SKOR1: variants seen among roughly 807,000 people sequenced by gnomAD.
SKOR1 encodes the protein LBX1 corepressor 1.
A neutral mutation model predicts 72.4 loss-of-function variants in SKOR1; 38 were observed. That is an observed-to-expected ratio of 0.52 (90% CI 0.40 to 0.69). SKOR1 has a LOEUF of 0.69. SKOR1 is among the 30% of genes least tolerant of loss of function. The pLI is 0.00. For synonymous variants in SKOR1, 642 were observed against 599.4 expected (o/e 1.07, Z -1.04); for missense variants, 1,320 against 1,343.2 (o/e 0.98, Z 0.27).
intron 3 of SKOR1, 108 bp from the exon 4 acceptor site, chr15:67,830,083 G>T: frequency 8.9e-7 from 1 of 1,119,856 alleles, no homozygotes; most frequent in East Asian, 2.5e-5. Context: ...ACCAGAGGCG[G>T]CCACGACGCT....
chr15:67,825,859 G>A lies in SKOR1; in HGVS notation c.108-77G>A, dbSNP rs2090954385. 2.6e-6 allele frequency: 4 copies of A among 1,511,246 alleles called. No homozygotes were observed. The highest frequency in any genetic ancestry group is 4.5e-5 in the Admixed American group (2 of 44,826). The allele number at this position is 1,511,246 out of a possible 1,614,324, so 93.6% of individuals were successfully genotyped here. A position where few individuals can be genotyped will look rare whatever the true frequency, so the allele number is the denominator to read the frequency against. ...ATCCCCCGCGCGCCCAACTCGGAGC[G>A]CCCTGCTGGGCGGGCCCGAGCCTCG... is the stretch of plus-strand genomic sequence containing the variant. On this transcript the variant is annotated intron_variant, in intron 1 of 8. Transcript: ENST00000380035. This position sits in a 1 kb window ranked among gnomAD's most constrained non-coding sequence, Gnocchi z 5.6.
chr15:67,825,903 G>T lies in SKOR1; in HGVS notation c.108-33G>T. 1 of 1,510,252 alleles carries T rather than the reference G, an allele frequency of 6.6e-7. No individual in the cohort carries two copies. The highest frequency in any genetic ancestry group is 8.8e-7 in the Non-Finnish European group (1 of 1,135,164). The allele number at this position is 1,510,252 out of a possible 1,614,324, so 93.6% of individuals were successfully genotyped here. A position where few individuals can be genotyped will look rare whatever the true frequency, so the allele number is the denominator to read the frequency against. On this transcript the variant is annotated intron_variant, in intron 1 of 8. Coordinates refer to ENST00000380035, the MANE Select transcript of SKOR1 (RefSeq NM_001365915.1). The surrounding 1 kb of genome is among the most constrained non-coding windows in gnomAD (Gnocchi z 5.6). ...AGCCTCGGCGGCGGCGCTGAAAATGGCTCATCTGCTCTCTGCTTTCTCTAT... is the reference window on the plus strand; with the variant it reads ...AGCCTCGGCGGCGGCGCTGAAAATGTCTCATCTGCTCTCTGCTTTCTCTAT...
intron 5 of SKOR1, among the ~76,000 whole-genome samples, chr15:67,831,714 T>A (rs979728867): frequency 6.6e-6 from 1 of 152,106 alleles, no homozygotes; most frequent in Non-Finnish European, 1.5e-5. Flanking sequence ...TCTTCCTAGT[T>A]ACAGATTTAC....
chr15:67,829,368 C>G, intron 3 of SKOR1, 99 bp downstream of exon 3: 1 of 1,041,328 alleles, frequency 9.6e-7, no homozygotes, highest in South Asian at 1.6e-5. Flanking sequence ...GAGAGAGACG[C>G]AGAGAAAGAG....
At chr15:67,828,852 C>A (rs939896906) in intron 2 of SKOR1, among the ~76,000 whole-genome samples, 4 of 152,222 alleles carry the variant, frequency 2.6e-5, no homozygotes, top group African/African-American at 9.6e-5. Flanking sequence ...ATGCGAAAGG[C>A]GTCATTTATG....
At chr15:67,828,468 A>C (rs1195851412) in intron 2 of SKOR1, among the ~76,000 whole-genome samples, 1 of 152,196 alleles carries the variant, frequency 6.6e-6, no homozygotes, top group African/African-American at 2.4e-5. Flanking sequence ...GGAGAAAGAA[A>C]GAGGAGGTAA....
Position 67,829,205 on chromosome 15 carries a change from C to G in SKOR1, c.2343C>G (p.His781Gln). 6.3e-7 allele frequency: 1 copy of G among 1,574,842 alleles called. No individual in the cohort carries two copies. The highest frequency in any genetic ancestry group is 1.1e-5 in the South Asian group (1 of 87,386). Residue 781 changes from histidine to glutamine, a missense_variant, in exon 3 of 9, where the codon CAC becomes CAG. Coordinates refer to ENST00000380035, the MANE Select transcript of SKOR1 (RefSeq NM_001365915.1). ...TGTTCGCGCCCGAGAGGGATGAGCACGTGAAGAGCGCGGCGGTGGCGCTGG... is the reference window on the plus strand; with the variant it reads ...TGTTCGCGCCCGAGAGGGATGAGCAGGTGAAGAGCGCGGCGGTGGCGCTGG... Reference protein sequence around the residue: ...AKVFAPERDEHVKSAAVALGP... With the variant: ...AKVFAPERDEQVKSAAVALGP...
At position 67,828,110 on chromosome 15, in the gene SKOR1, C is replaced by T. The variant is rs1232097201; in HGVS notation, c.2282C>T (p.Pro761Leu). The change falls in exon 2 of 9, where the codon CCT (proline) becomes CTT (leucine). Residue 761 changes from proline (P) to leucine (L), a missense_variant. By Grantham distance (98) the Pro-to-Leu change is moderately conservative. Coordinates refer to ENST00000380035, the MANE Select transcript of SKOR1 (RefSeq NM_001365915.1). ...GGCGGCGGCTACGAGCTGCGAGAGCCTTGCGGGCCCCTAGGAGGCCCCGCG... is the reference window on the plus strand; with the variant it reads ...GGCGGCGGCTACGAGCTGCGAGAGCTTTGCGGGCCCCTAGGAGGCCCCGCG... ...SGGGGYELRE[P>L]CGPLGGPAPA... 2 of 1,516,314 alleles carry T rather than the reference C, an allele frequency of 1.3e-6. No homozygotes were observed. Among genetic ancestry groups the T allele is most frequent in the Non-Finnish European group, 1.8e-6 (2 of 1,138,572 alleles). The allele number at this position is 1,516,314 out of a possible 1,614,324, so 93.9% of individuals were successfully genotyped here.
rs1597015347 is a variant in SKOR1, at chr15:67,826,005, C to G, written c.177C>G (p.Ser59=). 1 of 1,543,922 alleles carries G rather than the reference C, an allele frequency of 6.5e-7. No homozygotes were observed. Among genetic ancestry groups the G allele is most frequent in the Admixed American group, 2.0e-5 (1 of 50,554 alleles). ...GCGAGGGCAGTTCCTCGCCCAACTC[C>G]AAGCAGGAGCTGCAGCCGTACTCGG... ...PGREGSSSPN[S]KQELQPYSGS... The change falls in exon 2 of 9, where the codon TCC becomes TCG. Residue 59 remains serine, a synonymous_variant. Transcript: ENST00000380035.
chr15:67,828,138 G>A lies in SKOR1; in HGVS notation c.2310G>A (p.Pro770=), dbSNP rs899298916. Residue 770 remains proline (P), a synonymous_variant, in exon 2 of 9, where the codon CCG becomes CCA. Coordinates refer to ENST00000380035, the MANE Select transcript of SKOR1 (RefSeq NM_001365915.1). ...GCGGGCCCCTAGGAGGCCCCGCGCC[G>A]GCCAAGGTGAGCCCCGCGCCCGCCC... is the stretch of plus-strand genomic sequence containing the variant. ...EPCGPLGGPA[P]AKVFAPERDE... 12 of 1,474,632 alleles carry A rather than the reference G, an allele frequency of 8.1e-6. No homozygotes were observed. Among genetic ancestry groups the A allele is most frequent in the Admixed American group, 2.5e-5 (1 of 40,372 alleles). 91.3% of individuals were successfully genotyped at this position (1,474,632 alleles called of 1,614,324 possible).
Position 67,827,278 on chromosome 15 carries a change from G to A in SKOR1, c.1450G>A (p.Val484Met). 1 of 1,582,112 alleles carries A rather than the reference G, an allele frequency of 6.3e-7. No individual in the cohort carries two copies. The highest frequency in any genetic ancestry group is 8.5e-7 in the Non-Finnish European group (1 of 1,172,336). Reference protein sequence around the residue: ...AVAAAAAAATVYPTFPMFWPA... With the variant: ...AVAAAAAAATMYPTFPMFWPA... ...GGCTGCAGCGGCCGCCGCCGCCACTGTGTACCCGACGTTTCCCATGTTCTG... is the reference window on the plus strand; with the variant it reads ...GGCTGCAGCGGCCGCCGCCGCCACTATGTACCCGACGTTTCCCATGTTCTG... The change falls in exon 2 of 9, where the codon GTG (valine) becomes ATG (methionine). Residue 484 changes from valine to methionine, a missense_variant. Val to Met is a conservative substitution (Grantham distance 21, BLOSUM62 1). This residue lies in a region of SKOR1 where 1,099 missense variants were observed against 1,025.5 expected (regional missense o/e 1.07). Transcript: ENST00000380035.
At position 67,827,805 on chromosome 15, in the gene SKOR1, C is replaced by G. The variant is rs1378184695; in HGVS notation, c.1977C>G (p.Pro659=). ...CCGACGTGGACACCGCGGACGAGCC[C>G]GAGGTGGACGTGGAATCCAACCGCT... ...ASPDVDTADE[P]EVDVESNRFP... The change falls in exon 2 of 9, where the codon CCC becomes CCG. Residue 659 remains proline (P), a synonymous_variant. Transcript: ENST00000380035. The G allele has an allele frequency of 6.3e-7, 1 of 1,578,788 alleles. No homozygotes were observed. Among genetic ancestry groups the G allele is most frequent in the Non-Finnish European group, 8.6e-7 (1 of 1,162,562 alleles).
rs1377354174 is a variant in SKOR1 at position 67,833,621 on chromosome 15, C to T, written c.2804-121C>T. On this transcript the variant is annotated intron_variant, in intron 8 of 8. Coordinates refer to ENST00000380035, the MANE Select transcript of SKOR1 (RefSeq NM_001365915.1). The surrounding 1 kb of genome is among the most constrained non-coding windows in gnomAD (Gnocchi z 6.0). ...CCTACCCTCCTGCCTCCTCCTGATC[C>T]GCTCGGTTGAGATTCCCTGACCCCA... The T allele has an allele frequency of 2.9e-6, 3 of 1,032,078 alleles. No individual in the cohort carries two copies. The highest frequency in any genetic ancestry group is 1.3e-5 in the South Asian group (1 of 77,858). The allele number at this position is 1,032,078 out of a possible 1,614,324, so 63.9% of individuals were successfully genotyped here.
At position 67,832,823 on chromosome 15, in the gene SKOR1, C is replaced by T. The variant is rs2091019162; in HGVS notation, c.2737+142C>T. ...TTTTATTTAATATGCTTTGTATACT[C>T]TGATTAGCCTCAGAATGGCAAGCGA... On this transcript the variant is annotated intron_variant, in intron 7 of 8. Coordinates refer to ENST00000380035, the MANE Select transcript of SKOR1 (RefSeq NM_001365915.1). This position sits in a 1 kb window ranked among gnomAD's most constrained non-coding sequence, Gnocchi z 4.5. 1.4e-6 allele frequency: 1 copy of T among 702,994 alleles called. No homozygotes were observed. Among genetic ancestry groups the T allele is most frequent in the Non-Finnish European group, 2.4e-6 (1 of 420,740 alleles). The allele number at this position is 702,994 out of a possible 1,614,324, so 43.5% of individuals were successfully genotyped here.
chr15:67,829,558 C>T (rs1754065704), intron 3 of SKOR1, among the ~76,000 whole-genome samples: 1 of 152,240 alleles, frequency 6.6e-6, no homozygotes, highest in South Asian at 2.1e-4. Flanking sequence ...ACACGGCCTT[C>T]AAATCCTCTC....
At chr15:67,829,310 C>T (rs1272101697) in intron 3 of SKOR1, 41 bp downstream of exon 3, 1 of 1,479,972 alleles carries the variant, frequency 6.8e-7, no homozygotes, top group East Asian at 2.5e-5. Context: ...AATGGGGGAA[C>T]CGCAGACAGA....
At position 67,825,742 on chromosome 15, in the gene SKOR1, C is replaced by CG; in HGVS notation, c.107+38dup. On this transcript the variant is annotated intron_variant, in intron 1 of 8. Transcript: ENST00000380035. This position sits in a 1 kb window ranked among gnomAD's most constrained non-coding sequence, Gnocchi z 5.6. ...TTACCCCTTCTCCTCCCCCAAGCCC[C>CG]GGGGGCTGTTGTTAACGGCGCCAAC... The CG allele has an allele frequency of 6.2e-6, 6 of 965,118 alleles. No individual in the cohort carries two copies. Among genetic ancestry groups the CG allele is most frequent in the Non-Finnish European group, 8.2e-6 (5 of 610,626 alleles). The allele number at this position is 965,118 out of a possible 1,614,324, so 59.8% of individuals were successfully genotyped here. A position where few individuals can be genotyped will look rare whatever the true frequency, so the allele number is the denominator to read the frequency against.
Position 67,830,815 on chromosome 15 carries a change from CA to C in SKOR1, c.2516-2del. 1 of 1,614,158 alleles carries C rather than the reference CA, an allele frequency of 6.2e-7. No homozygotes were observed. Among genetic ancestry groups the C allele is most frequent in the Non-Finnish European group, 8.5e-7 (1 of 1,180,014 alleles). On this transcript the variant is annotated splice_acceptor_variant, in intron 4 of 8. Transcript: ENST00000380035. LOFTEE classifies it high-confidence loss of function. ...ACCCCTCTTACCTGCCCCTGTATCC[CA>C]GGCGAAGATGGGCTTACCTTGGATG...
chr15:67,830,968 T>C, intron 5 of SKOR1, 79 bp downstream of exon 5: 2 of 1,435,684 alleles, frequency 1.4e-6, no homozygotes, highest in Non-Finnish European at 2.0e-6. Context: ...GTTATCCCTG[T>C]AGGGGGTGAG....
Sources: allele counts gnomAD v4.1 joint callset (sites outside exome capture counted in the v4.1 genomes callset), GRCh38; gene constraint gnomAD v4.1.1; regional missense constraint gnomAD v4.1.1; non-coding constraint Gnocchi (gnomAD v3.1); transcripts MANE v1.5; gene names NCBI Gene and HGNC (gene_info 2026-07-23, HGNC 2026-07-21).